The following RBFOX2 variants were observed in gnomAD, a reference collection of about 807,000 sequenced individuals.
The protein encoded by RBFOX2 is RNA binding protein fox-1 homolog 2.
In RBFOX2, 10 loss-of-function variants were observed where a neutral mutation model predicts 49.1. That is an observed-to-expected ratio of 0.20 (90% CI 0.13 to 0.35). The LOEUF (loss-of-function observed/expected upper bound fraction) is 0.35. Among genes scored for constraint, RBFOX2 ranks in the 10% least tolerant of loss-of-function variants. The pLI is 1.00. For synonymous variants in RBFOX2, 183 were observed against 187.4 expected, an observed-to-expected ratio of 0.98 and a Z score of 0.19; for missense variants, 323 against 486.9, an observed-to-expected ratio of 0.66 and a Z score of 3.17.
intron 1 of RBFOX2, among the ~76,000 whole-genome samples, chr22:35,877,732 T>G (rs1442451829): frequency 6.6e-6 from 1 of 152,140 alleles, no homozygotes; most frequent in Non-Finnish European, 1.5e-5. Context: ...TTCCAAAGCT[T>G]GTGCCATTAA....
intron 1 of RBFOX2, among the ~76,000 whole-genome samples, chr22:35,943,971 AG>A (rs1333648836): frequency 1.3e-5 from 2 of 152,262 alleles, no homozygotes; most frequent in Non-Finnish European, 2.9e-5. Context: ...ATACACAGCA[AG>A]AAAAATAGCA....
intron 1 of RBFOX2, among the ~76,000 whole-genome samples, chr22:36,019,416 C>A (rs556886942): frequency 6.6e-6 from 1 of 152,186 alleles, no homozygotes; most frequent in Non-Finnish European, 1.5e-5. Context: ...CCACTCCATG[C>A]AGATTAAACA....
rs189595299 is a variant in RBFOX2, at chr22:35,849,122, C to T, written c.-33-39118G>A. Reference sequence around the variant, plus strand: ...AAAATAGTCTTAGTGGGGAAAGATGCCCTCTACTTTATATATTACCTTTCT... The same window carrying T: ...AAAATAGTCTTAGTGGGGAAAGATGTCCTCTACTTTATATATTACCTTTCT... On this transcript the variant is annotated intron_variant, in intron 1 of 13. Transcript: ENST00000359369. Among the ~76,000 whole-genome samples, 13 of 152,156 alleles carry T rather than the reference C, an allele frequency of 8.5e-5. No homozygotes were observed. In the East Asian group the frequency reaches 2.3e-3, roughly 27 times the overall value.
intron 1 of RBFOX2, among the ~76,000 whole-genome samples, chr22:35,879,999 T>C (rs1454856083): frequency 1.3e-5 from 2 of 152,030 alleles, no homozygotes; most frequent in African/African-American, 4.8e-5. Flanking sequence ...CTACTAAAAA[T>C]ACAAAAATTA....
At chr22:36,028,463 C>T in exon 1 of RBFOX2, 4 of 1,159,692 alleles carry the variant, frequency 3.4e-6, no homozygotes, top group Non-Finnish European at 4.2e-6. Context: ...GCCGGGCGAC[C>T]CGCGACAGGC....
At chr22:35,937,022 T>A (rs933158677) in intron 1 of RBFOX2, among the ~76,000 whole-genome samples, 5 of 152,174 alleles carry the variant, frequency 3.3e-5, no homozygotes, top group African/African-American at 1.2e-4. Context: ...TTATTACATG[T>A]CCTAAGTGAA....
intron 4 of RBFOX2, among the ~76,000 whole-genome samples, chr22:35,777,073 G>T (rs1467279437): frequency 6.6e-6 from 1 of 150,982 alleles, no homozygotes; most frequent in African/African-American, 2.4e-5. Context: ...GTGCAGTGGC[G>T]CAATCTCGGC....
chr22:35,808,526 G>A (rs1951186299), intron 2 of RBFOX2, among the ~76,000 whole-genome samples: 3 of 152,178 alleles, frequency 2.0e-5, no homozygotes, highest in African/African-American at 7.2e-5. Context: ...TTTCTATGCA[G>A]ACTGTAGAAC....
intron 4 of RBFOX2, among the ~76,000 whole-genome samples, chr22:35,773,032 C>T (rs963301070): frequency 3.6e-4 from 54 of 148,744 alleles, no homozygotes; most frequent in African/African-American, 1.2e-3. Context: ...AACTAAAGCC[C>T]ATAATGGTAA....
At chr22:35,994,711 ATTT>A (rs1175054815) in intron 1 of RBFOX2, 1 of 150,898 alleles carries the variant, frequency 6.6e-6, no homozygotes, top group Non-Finnish European at 1.5e-5. Context: ...TAGCTTTTTT[ATTT>A]TTTATTATAA....
At chr22:35,750,341 C>T in intron 9 of RBFOX2, 1 of 942,382 alleles carries the variant, frequency 1.1e-6, no homozygotes, top group East Asian at 2.6e-5. Flanking sequence ...ATGTGTATTG[C>T]TTTTAACCAT....
rs539372216 is a variant in RBFOX2, at chr22:35,901,186, T to A, written c.-34+37661A>T. 1.2e-4 allele frequency among the ~76,000 whole-genome samples: 18 copies of A among 152,288 alleles called. 1 individual carries two copies. The South Asian group carries it at 3.5e-3, about 30-fold the overall frequency. On this transcript the variant is annotated intron_variant, in intron 1 of 13. Coordinates refer to the RBFOX2 transcript ENST00000359369. ...TACTCATGGTCTCACAGCTAGTGAATAAAGAGCCAAAAGTTCAACGTTCGT... is the reference window on the plus strand; with the variant it reads ...TACTCATGGTCTCACAGCTAGTGAAAAAAGAGCCAAAAGTTCAACGTTCGT...
intron 1 of RBFOX2, among the ~76,000 whole-genome samples, chr22:36,018,346 A>G (rs778489681): frequency 1.1e-4 from 17 of 152,210 alleles, no homozygotes; most frequent in Non-Finnish European, 2.1e-4. Context: ...CTCATTATTA[A>G]AGATTGAGCC....
rs180829087 is a variant in RBFOX2 at position 35,826,589 on chromosome 22, C to G, written c.27+13603G>C. On this transcript the variant is annotated intron_variant, in intron 1 of 11. Transcript: ENST00000405409. The stretch of plus-strand genomic sequence containing the variant: ...AAGTAAAAGTAAACAAACCTCCCCC[C>G]CTGCATCTCCTGTTTTTCAAAAATG... Among the ~76,000 whole-genome samples, 27 of 152,118 alleles carry G rather than the reference C, an allele frequency of 1.8e-4. 1 individual carries two copies. Among genetic ancestry groups the G allele is most frequent in the African/African-American group, 6.0e-4 (25 of 41,508 alleles).
At chr22:35,903,168 G>C (rs2048772261) in intron 1 of RBFOX2, among the ~76,000 whole-genome samples, 1 of 151,976 alleles carries the variant, frequency 6.6e-6, no homozygotes, top group Admixed American at 6.6e-5. Context: ...GTCTATATCT[G>C]TCTCAATTTC....
upstream of RBFOX2, among the ~76,000 whole-genome samples, chr22:35,943,598 C>CA (rs796513917): frequency 1.1e-3 from 165 of 152,166 alleles, no homozygotes; most frequent in African/African-American, 3.8e-3. Flanking sequence ...AAGTAACTAT[C>CA]AAAAAAACCC....
chr22:35,953,396 A>C (rs903961993), intron 1 of RBFOX2, among the ~76,000 whole-genome samples: 1 of 152,154 alleles, frequency 6.6e-6, no homozygotes, highest in African/African-American at 2.4e-5. Flanking sequence ...AAGTGAAAGA[A>C]GCCAGACATA....
At chr22:35,957,294 A>C (rs1455579166) in intron 1 of RBFOX2, among the ~76,000 whole-genome samples, 1 of 152,178 alleles carries the variant, frequency 6.6e-6, no homozygotes, top group Non-Finnish European at 1.5e-5. Context: ...CCCTGTTAAC[A>C]ATAATAATAA....
At position 35,858,719 on chromosome 22, in the gene RBFOX2, A is replaced by G. The variant is rs532068624; in HGVS notation, c.-33-48715T>C. On this transcript the variant is annotated intron_variant, in intron 1 of 13. Transcript: ENST00000359369. ...TGGGCACCTGTAATCCTGGCTACTC[A>G]GGAGGCTGAGACAGGAGAATCGCTT... is the stretch of plus-strand genomic sequence containing the variant. Among the ~76,000 whole-genome samples, 74 of 151,568 alleles carry G rather than the reference A, an allele frequency of 4.9e-4. 1 individual carries two copies. Among genetic ancestry groups the G allele is most frequent in the South Asian group, 3.6e-3 (17 of 4,770 alleles).
Sources: allele counts gnomAD v4.1 joint callset (sites outside exome capture counted in the v4.1 genomes callset), GRCh38; gene constraint gnomAD v4.1.1; transcripts MANE v1.5; gene names NCBI Gene and HGNC (gene_info 2026-07-23, HGNC 2026-07-21).